DAPK1: variants seen among roughly 807,000 people sequenced by gnomAD.
The protein encoded by DAPK1 is death associated protein kinase 1, also known as death-associated protein kinase 1.
Under a neutral mutation model 144.9 loss-of-function variants are expected in DAPK1, and 56 were observed. The ratio of observed to expected loss-of-function variants is 0.39; its 90% confidence interval spans 0.31 to 0.48. The LOEUF (loss-of-function observed/expected upper bound fraction) is 0.48, where lower values mean the gene tolerates loss of function less well. Among genes scored for constraint, DAPK1 ranks in the 20% least tolerant of loss-of-function variants. The probability of loss-of-function intolerance (pLI) is 0.95; values close to 1 mark genes in which losing one functional copy is unlikely to be tolerated. For synonymous variants in DAPK1, 690 were observed against 749.0 expected, an observed-to-expected ratio of 0.92 and a Z score of 1.29; for missense variants, 1,454 against 1,875.4, an observed-to-expected ratio of 0.78 and a Z score of 4.15.
intron 17 of DAPK1, among the ~76,000 whole-genome samples, chr9:87,656,895 C>T (rs1324443887): frequency 1.3e-5 from 2 of 152,144 alleles, no homozygotes; most frequent in East Asian, 1.9e-4. Flanking sequence ...AAATGTTAAA[C>T]AGGGACAGCT....
Position 87,639,354 on chromosome 9 carries a change from C to G in DAPK1, c.424C>G (p.Pro142Ala). ...SLQIAHFDLK[P>A]ENIMLLDRNV... is the part of the protein sequence containing the mutation. ...TATTTATCTCTCTCTTTTTTTCAAG[C>G]CTGAGAACATAATGCTTTTGGATAG... is the stretch of plus-strand genomic sequence containing the variant. The change falls in exon 5 of 26, where the codon CCT (proline) becomes GCT (alanine). Residue 142 changes from proline (P) to alanine (A), a missense_variant and splice_region_variant. Pro to Ala is a conservative substitution (Grantham distance 27, BLOSUM62 -1). Transcript: ENST00000408954. 6.2e-7 allele frequency: 1 copy of G among 1,601,030 alleles called. No individual in the cohort carries two copies. Among genetic ancestry groups the G allele is most frequent in the Non-Finnish European group, 8.5e-7 (1 of 1,176,096 alleles).
At chr9:87,524,076 G>A in intron 2 of DAPK1, among the ~76,000 whole-genome samples, 1 of 152,206 alleles carries the variant, frequency 6.6e-6, no homozygotes, top group East Asian at 1.9e-4. Flanking sequence ...CCCATGAGAG[G>A]CAAGTTAGTG....
chr9:87,629,351 C>G (rs1829587616), intron 3 of DAPK1, among the ~76,000 whole-genome samples: 1 of 152,136 alleles, frequency 6.6e-6, no homozygotes, highest in African/African-American at 2.4e-5. Context: ...TGGGAAGTGG[C>G]CAGAAGGGAT....
intron 12 of DAPK1, 116 bp downstream of exon 12, chr9:87,646,130 A>G: frequency 7.9e-7 from 1 of 1,266,478 alleles, no homozygotes; most frequent in Non-Finnish European, 1.1e-6. Context: ...GAAGCTCCAT[A>G]CTGTGGGGAA....
At chr9:87,649,141 T>C (rs899321310) in intron 15 of DAPK1, among the ~76,000 whole-genome samples, 1 of 152,208 alleles carries the variant, frequency 6.6e-6, no homozygotes, top group Non-Finnish European at 1.5e-5. Context: ...ATTACTGTTA[T>C]CATTCTCATT....
At chr9:87,704,604 C>T (rs1424951880) in intron 25 of DAPK1, among the ~76,000 whole-genome samples, 2 of 152,186 alleles carry the variant, frequency 1.3e-5, no homozygotes, top group Non-Finnish European at 2.9e-5. Context: ...GCTCCCTGTT[C>T]TCCTCCACTA....
At position 87,632,611 on chromosome 9, in the gene DAPK1, TGAAG is replaced by T. The variant is rs367800331; in HGVS notation, c.285-5330_285-5327del. On this transcript the variant is annotated intron_variant, in intron 3 of 25. Coordinates refer to ENST00000408954, the MANE Select transcript of DAPK1 (RefSeq NM_004938.4). ...AGGAGGATGAGTATGTATATAGGAA[TGAAG>T]GGTGATCAGTATATATGTAGGGATG... The T allele has an allele frequency of 3.3e-4, 323 of 980,444 alleles. 3 individuals are homozygous for T. The African/African-American group carries it at 5.1e-3, about 15-fold the overall frequency. 60.7% of individuals were successfully genotyped at this position (980,444 alleles called of 1,614,324 possible).
At chr9:87,698,214 T>C (rs1403029760) in intron 22 of DAPK1, among the ~76,000 whole-genome samples, 3 of 152,314 alleles carry the variant, frequency 2.0e-5, no homozygotes, top group South Asian at 2.1e-4. Flanking sequence ...TTTTTTCCTT[T>C]GTTTTAAACA....
intron 16 of DAPK1, 61 bp downstream of exon 16, chr9:87,650,179 CA>C: frequency 6.5e-7 from 1 of 1,542,570 alleles, no homozygotes. Flanking sequence ...AGAGGGACCA[CA>C]AGACTCCTCA....
At chr9:87,674,870 T>C (rs1234886955) in intron 19 of DAPK1, among the ~76,000 whole-genome samples, 1 of 152,120 alleles carries the variant, frequency 6.6e-6, no homozygotes, top group Non-Finnish European at 1.5e-5. Context: ...GAAAGAAAAG[T>C]AGAAACTAGG....
chr9:87,616,254 G>A (rs562388337), intron 3 of DAPK1, among the ~76,000 whole-genome samples: 2 of 152,308 alleles, frequency 1.3e-5, no homozygotes, highest in East Asian at 3.9e-4. Context: ...GGGGGCTCTG[G>A]TGTGATAGTG....
rs1213189212 is a variant in DAPK1 at position 87,648,804 on chromosome 9, G to C, written c.1353G>C (p.Val451=). Residue 451 remains valine (V), a synonymous_variant, in exon 15 of 26, where the codon GTG becomes GTC. Transcript: ENST00000408954. ...KDKSGEMALH[V]AARYGHADVA... Reference sequence around the variant, plus strand: ...AGTCTGGAGAGATGGCCCTCCACGTGGCAGCTCGCTATGGCCATGCTGACG... The same window carrying C: ...AGTCTGGAGAGATGGCCCTCCACGTCGCAGCTCGCTATGGCCATGCTGACG... The C allele has an allele frequency of 6.2e-7, 1 of 1,614,212 alleles. No homozygotes were observed. The highest frequency in any genetic ancestry group is 1.7e-5 in the Admixed American group (1 of 60,036).
Position 87,707,522 on chromosome 9 carries a change from T to A in DAPK1, c.*158T>A, listed in dbSNP as rs1029538748. ...CCGGCTTGACCTGTTTCTCTGCCGC[T>A]ACCTCCCTCCCCGTCTCATTCCGTT... On this transcript the variant is annotated 3_prime_UTR_variant, in exon 26 of 26. Coordinates refer to ENST00000408954, the MANE Select transcript of DAPK1 (RefSeq NM_004938.4). This position sits in a 1 kb window ranked among gnomAD's most constrained non-coding sequence, Gnocchi z 4.0. The A allele has an allele frequency of 6.6e-6, 4 of 603,300 alleles. No homozygotes were observed. Among genetic ancestry groups the A allele is most frequent in the Middle Eastern group, 4.4e-4 (1 of 2,266 alleles). The allele number at this position is 603,300 out of a possible 1,614,324, so 37.4% of individuals were successfully genotyped here.
chr9:87,613,469 T>G (rs987483245), intron 3 of DAPK1, among the ~76,000 whole-genome samples: 2 of 152,232 alleles, frequency 1.3e-5, no homozygotes, highest in African/African-American at 4.8e-5. Flanking sequence ...ATTAGGTCAC[T>G]TTATGTAGGA....
At chr9:87,650,560 G>T in intron 16 of DAPK1, 1 of 201,814 alleles carries the variant, frequency 5.0e-6, no homozygotes, top group East Asian at 1.5e-4. Flanking sequence ...GCTAGACCAG[G>T]TTTAATTAAA....
Position 87,651,483 on chromosome 9 carries a change from T to C in DAPK1, c.1627-44T>C, listed in dbSNP as rs1391265683. On this transcript the variant is annotated intron_variant, in intron 16 of 25. Coordinates refer to ENST00000408954, the MANE Select transcript of DAPK1 (RefSeq NM_004938.4). ...AAAAGGTGAAGAGACGGAGGCCACA[T>C]GCCCAAGTGAAAAGCTCTCATGATC... 5.0e-6 allele frequency: 8 copies of C among 1,598,380 alleles called. No homozygotes were observed. The East Asian group carries it at 1.8e-4, about 36-fold the overall frequency.
intron 2 of DAPK1, among the ~76,000 whole-genome samples, chr9:87,531,122 A>G (rs920818113): frequency 2.0e-5 from 3 of 152,196 alleles, no homozygotes; most frequent in Admixed American, 2.0e-4. Context: ...GGTCAAAAAT[A>G]TTATTTAAGG....
intron 3 of DAPK1, among the ~76,000 whole-genome samples, chr9:87,617,363 C>T (rs1829131765): frequency 6.6e-6 from 1 of 152,136 alleles, no homozygotes; most frequent in Non-Finnish European, 1.5e-5. Flanking sequence ...GGGCCACTTG[C>T]CTAGCAGGAA....
intron 19 of DAPK1, among the ~76,000 whole-genome samples, chr9:87,670,907 T>C (rs1831228385): frequency 6.6e-6 from 1 of 152,188 alleles, no homozygotes; most frequent in South Asian, 2.1e-4. Context: ...GGCTGTGCTG[T>C]GTTCTGCTGC....
Sources: gnomAD v4.1 joint callset for allele counts (sites outside exome capture counted in the v4.1 genomes callset) on GRCh38, gnomAD v4.1.1 for gene constraint, Gnocchi (gnomAD v3.1) non-coding constraint, MANE v1.5 for transcripts, NCBI Gene and HGNC (gene_info 2026-07-23, HGNC 2026-07-21) for gene names.